The following HERC1 variants were observed in gnomAD, a reference collection of about 807,000 sequenced individuals.
HERC1 encodes HECT and RLD domain containing E3 ubiquitin protein ligase family member 1, also known as probable E3 ubiquitin-protein ligase HERC1.
HERC1 carries 160 observed loss-of-function variants against 554.3 expected under a neutral mutation model. That is an observed-to-expected ratio of 0.29 (90% confidence interval 0.25 to 0.33). The LOEUF (loss-of-function observed/expected upper bound fraction) is 0.33, where lower values mean the gene tolerates loss of function less well. HERC1 is among the 10% of genes least tolerant of loss of function. HERC1 has a pLI of 1.00. For missense variants in HERC1, 4,919 were observed against 5,918.5 expected, an observed-to-expected ratio of 0.83 and a Z score of 5.54; for synonymous variants, 2,175 against 2,131.7, an observed-to-expected ratio of 1.02 and a Z score of -0.56.
chr15:63,670,215 C>A (rs2070836157), intron 39 of HERC1, among the ~76,000 whole-genome samples: 3 of 152,284 alleles, frequency 2.0e-5, no homozygotes, highest in Middle Eastern at 6.8e-3. Context: ...CAAAACAGTA[C>A]ATGAATGATA....
At chr15:63,805,258 G>A (rs925874592) in intron 1 of HERC1, among the ~76,000 whole-genome samples, 7 of 152,042 alleles carry the variant, frequency 4.6e-5, no homozygotes, top group Non-Finnish European at 8.8e-5. Flanking sequence ...AGGAATGAAC[G>A]ACTGATTCAA....
chr15:63,757,653 A>G (rs977868157), intron 4 of HERC1, among the ~76,000 whole-genome samples: 1 of 152,108 alleles, frequency 6.6e-6, no homozygotes, highest in Non-Finnish European at 1.5e-5. Context: ...CGAGATCCCA[A>G]TTTAGTTATT....
rs1024521109 is a variant in HERC1, at chr15:63,679,689, G to A, written c.6549+388C>T. ...ACAACACCTGAAAATTCCCCCAGCT[G>A]AATGAAAGGTAGTTTCCTCATGATG... On this transcript the variant is annotated intron_variant, in intron 36 of 77. Coordinates refer to ENST00000443617, the MANE Select transcript of HERC1 (RefSeq NM_003922.4). Among the ~76,000 whole-genome samples the A allele has an allele frequency of 2.6e-5, 4 of 152,328 alleles. No individual in the cohort carries two copies. The South Asian group carries it at 6.2e-4, about 24-fold the overall frequency.
chr15:63,701,438 G>T (rs1043367042), intron 25 of HERC1, among the ~76,000 whole-genome samples: 3 of 152,136 alleles, frequency 2.0e-5, no homozygotes, highest in Non-Finnish European at 2.9e-5. Context: ...TTAAAGCAGG[G>T]GTTGGCAAAC....
intron 1 of HERC1, among the ~76,000 whole-genome samples, chr15:63,785,501 G>T (rs1004292823): frequency 6.6e-6 from 1 of 152,084 alleles, no homozygotes; most frequent in African/African-American, 2.4e-5. Flanking sequence ...GGGCACGCTG[G>T]CTAACACCTG....
At chr15:63,626,852 C>T (rs1006514400) in intron 70 of HERC1, among the ~76,000 whole-genome samples, 1 of 152,122 alleles carries the variant, frequency 6.6e-6, no homozygotes, top group African/African-American at 2.4e-5. Flanking sequence ...TACTGAGTAC[C>T]TTCTATGTGC....
intron 66 of HERC1, 102 bp from the exon 67 acceptor site, chr15:63,634,072 T>C: frequency 7.7e-7 from 1 of 1,304,914 alleles, no homozygotes; most frequent in Non-Finnish European, 1.1e-6. Flanking sequence ...AACTTGGCTA[T>C]GTTTCCAAAT....
intron 1 of HERC1, among the ~76,000 whole-genome samples, chr15:63,778,302 A>G (rs940667212): frequency 6.6e-6 from 1 of 152,184 alleles, no homozygotes; most frequent in Non-Finnish European, 1.5e-5. Flanking sequence ...TGACTCCCAG[A>G]AAGATTAAAT....
chr15:63,752,840 A>T, intron 8 of HERC1, 118 bp downstream of exon 8: 1 of 964,104 alleles, frequency 1.0e-6, no homozygotes, highest in Non-Finnish European at 1.5e-6. Flanking sequence ...ATTTCATTTT[A>T]GCATGTTGCC....
intron 1 of HERC1, among the ~76,000 whole-genome samples, chr15:63,826,424 T>C (rs1380500319): frequency 6.6e-6 from 1 of 152,174 alleles, no homozygotes; most frequent in Non-Finnish European, 1.5e-5. Flanking sequence ...GTACTGTATA[T>C]ACCGTTCAAA....
chr15:63,827,510 A>G (rs1262117884), intron 1 of HERC1, among the ~76,000 whole-genome samples: 35 of 152,102 alleles, frequency 2.3e-4, no homozygotes, highest in Admixed American at 2.3e-3. Context: ...TATACTATTG[A>G]GTGAAAAAAA....
chr15:63,775,910 T>C lies in HERC1; in HGVS notation c.-26-261A>G, dbSNP rs544599129. ...AAAATTAGCCAGGCATGGTGGCACA[T>C]ACCTCTAGTCCCAGCTGCTTGGGAG... On this transcript the variant is annotated intron_variant, in intron 1 of 77. Coordinates refer to ENST00000443617, the MANE Select transcript of HERC1 (RefSeq NM_003922.4). The surrounding 1 kb of genome is among the most constrained non-coding windows in gnomAD (Gnocchi z 4.0). 9.9e-5 allele frequency among the ~76,000 whole-genome samples: 15 copies of C among 151,966 alleles called. No individual in the cohort carries two copies. In the South Asian group the frequency reaches 2.7e-3, roughly 27 times the overall value.
intron 2 of HERC1, among the ~76,000 whole-genome samples, chr15:63,771,595 C>T (rs2075958925): frequency 6.6e-6 from 1 of 151,958 alleles, no homozygotes; most frequent in African/African-American, 2.4e-5. Context: ...CCATGCCTGG[C>T]TAATTTTTTT....
chr15:63,736,682 C>T (rs1413136985), intron 12 of HERC1, among the ~76,000 whole-genome samples: 5 of 151,748 alleles, frequency 3.3e-5, no homozygotes, highest in Non-Finnish European at 2.9e-5. Flanking sequence ...AATCTCGGCT[C>T]ACGGCAACCT....
intron 34 of HERC1, among the ~76,000 whole-genome samples, chr15:63,685,649 T>C (rs530834723): frequency 6.6e-6 from 1 of 152,344 alleles, no homozygotes; most frequent in Admixed American, 6.5e-5. Context: ...GAAGTCAATA[T>C]TACTGGCCAA....
Position 63,661,158 on chromosome 15 carries a change from T to C in HERC1, c.9171-133A>G, listed in dbSNP as rs1595915424. On this transcript the variant is annotated intron_variant, in intron 45 of 77. Transcript: ENST00000443617. Reference sequence around the variant, plus strand: ...AAATAAAAAAGTATGTTTCATGTTATAGGCTAACATAATAAAAACTGCTGG... The same window carrying C: ...AAATAAAAAAGTATGTTTCATGTTACAGGCTAACATAATAAAAACTGCTGG... 2.0e-5 allele frequency: 13 copies of C among 655,812 alleles called. No individual in the cohort carries two copies. The East Asian group carries it at 3.2e-4, about 16-fold the overall frequency. The allele number at this position is 655,812 out of a possible 1,614,324, so 40.6% of individuals were successfully genotyped here.
chr15:63,707,801 C>T (rs374791507), intron 24 of HERC1, among the ~76,000 whole-genome samples: 5 of 151,706 alleles, frequency 3.3e-5, no homozygotes, highest in Non-Finnish European at 5.9e-5. Context: ...TGGTAGCACA[C>T]GCCTGTAATC....
Position 63,764,178 on chromosome 15 carries a change from T to C in HERC1, c.944A>G (p.Asp315Gly). ...QMRRSLGSSA[D>G]RSQWREPTRT... ...GGTTGGTTCTCTCCACTGACTCCGA[T>C]CAGCAGATGAACCCTATAATTAAAA... The change falls in exon 3 of 78, where the codon GAT (aspartate) becomes GGT (glycine). Residue 315 changes from aspartate (D) to glycine (G), a missense_variant. By Grantham distance (94) the Asp-to-Gly change is moderately conservative. Coordinates refer to ENST00000443617, the MANE Select transcript of HERC1 (RefSeq NM_003922.4). 2.5e-6 allele frequency: 4 copies of C among 1,608,220 alleles called. No homozygotes were observed. The highest frequency in any genetic ancestry group is 3.4e-6 in the Non-Finnish European group (4 of 1,176,664).
At position 63,749,935 on chromosome 15, in the gene HERC1, G is replaced by T; in HGVS notation, c.1903-144C>A. ...TTAAAATCATTTTGATCATTTTAAA[G>T]ATTGTTACAGCGATTTATCATGCTG... On this transcript the variant is annotated intron_variant, in intron 8 of 77. Transcript: ENST00000443617. This position sits in a 1 kb window ranked among gnomAD's most constrained non-coding sequence, Gnocchi z 4.1. 1 of 715,752 alleles carries T rather than the reference G, an allele frequency of 1.4e-6. No individual in the cohort carries two copies. Among genetic ancestry groups the T allele is most frequent in the Non-Finnish European group, 2.2e-6 (1 of 464,966 alleles). 44.3% of individuals were successfully genotyped at this position (715,752 alleles called of 1,614,324 possible).
Sources: allele counts gnomAD v4.1 joint callset (sites outside exome capture counted in the v4.1 genomes callset), GRCh38; gene constraint gnomAD v4.1.1; non-coding constraint Gnocchi (gnomAD v3.1); transcripts MANE v1.5; gene names NCBI Gene and HGNC (gene_info 2026-07-23, HGNC 2026-07-21).